The following TMEM132D variants were observed in gnomAD, a reference collection of about 807,000 sequenced individuals.
TMEM132D encodes transmembrane protein 132D.
TMEM132D carries 21 observed loss-of-function variants against 62.3 expected under a neutral mutation model. The ratio of observed to expected loss-of-function variants is 0.34; its 90% CI spans 0.24 to 0.49. The LOEUF (loss-of-function observed/expected upper bound fraction) is 0.49. Among genes scored for constraint, TMEM132D ranks in the 20% least tolerant of loss-of-function variants. The probability of loss-of-function intolerance (pLI) is 0.99; values close to 1 mark genes in which losing one functional copy is unlikely to be tolerated. For synonymous variants in TMEM132D, 621 were observed against 575.6 expected (o/e 1.08, Z -1.13); for missense variants, 1,346 against 1,402.8 (o/e 0.96, Z 0.65).
At chr12:129,428,166 A>G (rs1161573244) in intron 3 of TMEM132D, among the ~76,000 whole-genome samples, 3 of 152,224 alleles carry the variant, frequency 2.0e-5, no homozygotes, top group Non-Finnish European at 4.4e-5. Flanking sequence ...GAAAATAAGA[A>G]ATCTGTTCTT....
chr12:129,483,731 C>T (rs542999199), intron 3 of TMEM132D, among the ~76,000 whole-genome samples: 1 of 152,282 alleles, frequency 6.6e-6, no homozygotes, highest in South Asian at 2.1e-4. Flanking sequence ...TTCGTGGTGA[C>T]GCAAATGTCA....
At chr12:129,082,184 A>G in intron 6 of TMEM132D, 152 bp from the exon 7 acceptor site, 1 of 959,966 alleles carries the variant, frequency 1.0e-6, no homozygotes. Flanking sequence ...TTCAGATACT[A>G]ACCACTGCTC....
At chr12:129,679,068 T>C (rs1247607004) in intron 2 of TMEM132D, among the ~76,000 whole-genome samples, 2 of 151,942 alleles carry the variant, frequency 1.3e-5, no homozygotes, top group African/African-American at 2.4e-5. Context: ...GTCGTATCCA[T>C]TAACAGCCCT....
At chr12:129,839,661 CAT>C (rs1873121890) in intron 1 of TMEM132D, among the ~76,000 whole-genome samples, 1 of 152,162 alleles carries the variant, frequency 6.6e-6, no homozygotes, top group Non-Finnish European at 1.5e-5. Context: ...TTTTTAAAAA[CAT>C]ATATGAATAT....
chr12:129,076,682 A>G (rs1874267209), intron 8 of TMEM132D, among the ~76,000 whole-genome samples: 1 of 152,242 alleles, frequency 6.6e-6, no homozygotes, highest in African/African-American at 2.4e-5. Context: ...TGAGCAGAGC[A>G]TTCAAACGCA....
intron 2 of TMEM132D, among the ~76,000 whole-genome samples, chr12:129,532,398 A>T (rs957982049): frequency 2.6e-5 from 4 of 152,202 alleles, no homozygotes; most frequent in Admixed American, 2.6e-4. Flanking sequence ...AGAAAGTGAG[A>T]CCATCTTCTG....
At chr12:129,108,712 C>G (rs181464903) in intron 5 of TMEM132D, among the ~76,000 whole-genome samples, 3 of 152,354 alleles carry the variant, frequency 2.0e-5, no homozygotes, top group Admixed American at 1.3e-4. Context: ...AGTGCTCAAT[C>G]TACATGCAGA....
intron 3 of TMEM132D, among the ~76,000 whole-genome samples, chr12:129,422,451 G>T (rs1872355714): frequency 6.6e-6 from 1 of 152,186 alleles, no homozygotes; most frequent in African/African-American, 2.4e-5. Flanking sequence ...TCTGAAGAAT[G>T]CTCTTTCTCA....
chr12:129,652,528 G>A (rs1879957264), intron 2 of TMEM132D, among the ~76,000 whole-genome samples: 2 of 152,210 alleles, frequency 1.3e-5, no homozygotes, highest in South Asian at 4.1e-4. Context: ...TTTTAAATGT[G>A]GAAGAAGGCA....
chr12:129,735,146 C>G (rs1869384274), intron 1 of TMEM132D, among the ~76,000 whole-genome samples: 1 of 152,274 alleles, frequency 6.6e-6, no homozygotes, highest in Non-Finnish European at 1.5e-5. Context: ...CTCTTAATTA[C>G]AGAGCAATGA....
intron 2 of TMEM132D, among the ~76,000 whole-genome samples, chr12:129,644,248 C>T (rs2137177432): frequency 6.6e-6 from 1 of 152,306 alleles, no homozygotes; most frequent in South Asian, 2.1e-4. Flanking sequence ...GTGTCACGGG[C>T]ATGCACCCTC....
chr12:129,444,622 C>T (rs1353895536), intron 3 of TMEM132D, among the ~76,000 whole-genome samples: 2 of 152,188 alleles, frequency 1.3e-5, no homozygotes, highest in Non-Finnish European at 2.9e-5. Context: ...TCCCCACCCT[C>T]CTCTGACAGG....
intron 5 of TMEM132D, among the ~76,000 whole-genome samples, chr12:129,175,252 A>T (rs1869488307): frequency 1.3e-5 from 2 of 152,026 alleles, no homozygotes; most frequent in African/African-American, 4.8e-5. Flanking sequence ...TTTTTGTATA[A>T]GGTGTAAGGA....
At position 129,801,333 on chromosome 12, in the gene TMEM132D, A is replaced by C. The variant is rs1871773476; in HGVS notation, c.80-100635T>G. Among the ~76,000 whole-genome samples the C allele has an allele frequency of 3.2e-5, 4 of 124,250 alleles. No individual in the cohort carries two copies. In the South Asian group the frequency reaches 1.2e-3, roughly 38 times the overall value. 81.5% of individuals were successfully genotyped at this position (124,250 alleles called of 152,430 possible). A position where few individuals can be genotyped will look rare whatever the true frequency, so the allele number is the denominator to read the frequency against. On this transcript the variant is annotated intron_variant, in intron 1 of 8. Transcript: ENST00000422113. ...GAGAGCAGTGGTTCTCCCAGCACGC[A>C]GCTGGAGATCTGAGATGGGCAGACT...
chr12:129,263,861 A>G (rs770224740), intron 4 of TMEM132D, among the ~76,000 whole-genome samples: 1 of 152,134 alleles, frequency 6.6e-6, no homozygotes, highest in Non-Finnish European at 1.5e-5. Context: ...AAGTGTATTC[A>G]GTACTGTGTG....
rs1368462601 is a variant in TMEM132D, at chr12:129,209,995, C to G, written c.1300-332G>C. ...CTTTACAAATATCGGCTCGTCAATCCTCATAGCATCCTGATAAGACAAACA... is the reference window on the plus strand; with the variant it reads ...CTTTACAAATATCGGCTCGTCAATCGTCATAGCATCCTGATAAGACAAACA... On this transcript the variant is annotated intron_variant, in intron 4 of 8. Transcript: ENST00000422113. The G allele has an allele frequency of 2.1e-5, 5 of 243,878 alleles. No individual in the cohort carries two copies. The East Asian group carries it at 4.7e-4, about 23-fold the overall frequency. 15.1% of individuals were successfully genotyped at this position (243,878 alleles called of 1,614,324 possible).
chr12:129,112,425 G>T (rs1019854922), intron 5 of TMEM132D, among the ~76,000 whole-genome samples: 1 of 152,218 alleles, frequency 6.6e-6, no homozygotes, highest in African/African-American at 2.4e-5. Flanking sequence ...ACTTTGGGAG[G>T]CCAAGGCGGA....
chr12:129,771,349 C>T (rs1436592439), intron 1 of TMEM132D, among the ~76,000 whole-genome samples: 2 of 152,196 alleles, frequency 1.3e-5, no homozygotes, highest in Admixed American at 6.5e-5. Flanking sequence ...ATAACAGTCC[C>T]TGCCTCAATG....
At chr12:129,438,726 T>C (rs1470865161) in intron 3 of TMEM132D, among the ~76,000 whole-genome samples, 3 of 152,218 alleles carry the variant, frequency 2.0e-5, no homozygotes, top group Non-Finnish European at 2.9e-5. Flanking sequence ...TTCCATTTCA[T>C]TGCACTGCAT....
Sources: allele counts gnomAD v4.1 joint callset (sites outside exome capture counted in the v4.1 genomes callset), GRCh38; gene constraint gnomAD v4.1.1; transcripts MANE v1.5; gene names NCBI Gene and HGNC (gene_info 2026-07-23, HGNC 2026-07-21).